The following TGFBI variants were observed in gnomAD, a reference collection of about 807,000 sequenced individuals.
The protein encoded by TGFBI is transforming growth factor beta induced.
TGFBI carries 50 observed loss-of-function variants against 73.7 expected under a neutral mutation model. The ratio of observed to expected loss-of-function variants is 0.68; its 90% CI spans 0.54 to 0.86. The LOEUF (loss-of-function observed/expected upper bound fraction) is 0.86, where lower values mean the gene tolerates loss of function less well. TGFBI is among the 40% of genes least tolerant of loss of function. The probability of loss-of-function intolerance (pLI) is 0.00; values close to 1 mark genes in which losing one functional copy is unlikely to be tolerated. For missense variants in TGFBI, 839 were observed against 877.0 expected (o/e 0.96, Z 0.55); for synonymous variants, 362 against 360.5 (o/e 1.00, Z -0.05).
At chr5:136,062,542 C>T in intron 15 of TGFBI, 121 bp from the exon 16 acceptor site, 1 of 1,031,096 alleles carries the variant, frequency 9.7e-7, no homozygotes, top group Non-Finnish European at 1.5e-6. Flanking sequence ...CCACCTTCCC[C>T]TTCCTCTTCC....
In TGFBI at chr5:136,044,059, G is replaced by T; in HGVS notation, c.235G>T (p.Val79Phe). 6.2e-7 allele frequency: 1 copy of T among 1,613,316 alleles called. No homozygotes were observed. ...CAATGTATGGTTGTCTTGTTACAGA[G>T]TCATCAGCTACGAGTGCTGTCCTGG... is the stretch of plus-strand genomic sequence containing the variant. ...YQRKICGKST[V>F]ISYECCPGYE... Residue 79 changes from valine (V) to phenylalanine (F), a missense_variant and splice_region_variant, in exon 3 of 17, where the codon GTC (valine) becomes TTC (phenylalanine). Transcript: ENST00000442011.
chr5:136,053,034 C>A lies in TGFBI; in HGVS notation c.1041C>A (p.Asn347Lys). 1 of 1,614,038 alleles carries A rather than the reference C, an allele frequency of 6.2e-7. No homozygotes were observed. Among genetic ancestry groups the A allele is most frequent in the South Asian group, 1.1e-5 (1 of 91,082 alleles). Residue 347 changes from asparagine to lysine, a missense_variant, in exon 8 of 17, where the codon AAC (asparagine) becomes AAA (lysine). Coordinates refer to ENST00000442011, the MANE Select transcript of TGFBI (RefSeq NM_000358.3). Reference protein sequence around the residue: ...VGCSGDMLTINGKAIISNKDI... With the variant: ...VGCSGDMLTIKGKAIISNKDI... Reference sequence around the variant, plus strand: ...GCAGCGGGGACATGCTCACTATCAACGGGAAGGCGATCATCTCCAATAAAG... The same window carrying A: ...GCAGCGGGGACATGCTCACTATCAAAGGGAAGGCGATCATCTCCAATAAAG...
chr5:136,054,519 C>T (rs944930042), intron 9 of TGFBI, among the ~76,000 whole-genome samples, 197 bp from the exon 10 acceptor site: 3 of 152,204 alleles, frequency 2.0e-5, no homozygotes, highest in Non-Finnish European at 2.9e-5. Context: ...ACTCCAAACA[C>T]CCTTGATTAT....
At position 136,063,240 on chromosome 5, in the gene TGFBI, A is replaced by G; in HGVS notation, c.*14A>G. 1.2e-6 allele frequency: 2 copies of G among 1,612,396 alleles called. No homozygotes were observed. Among genetic ancestry groups the G allele is most frequent in the Non-Finnish European group, 1.7e-6 (2 of 1,178,604 alleles). ...ATGAAGCATTAGCTTGAAGCACTACAGGAGGAATGCACCACGGCAGCTCTC... is the reference window on the plus strand; with the variant it reads ...ATGAAGCATTAGCTTGAAGCACTACGGGAGGAATGCACCACGGCAGCTCTC... On this transcript the variant is annotated 3_prime_UTR_variant, in exon 17 of 17. Coordinates refer to ENST00000442011, the MANE Select transcript of TGFBI (RefSeq NM_000358.3).
chr5:136,047,431 G>T lies in TGFBI; in HGVS notation c.771+11G>T, dbSNP rs759877909. 30 of 1,613,804 alleles carry T rather than the reference G, an allele frequency of 1.9e-5. No individual in the cohort carries two copies. In the East Asian group the frequency reaches 4.5e-4, roughly 24 times the overall value. On this transcript the variant is annotated intron_variant, in intron 6 of 16. Coordinates refer to ENST00000442011, the MANE Select transcript of TGFBI (RefSeq NM_000358.3). ...TTTGAGACCCTTCGGGTAAGGGACT[G>T]CCCTGGGTGGAGGCCCAGGCTTGGG...
chr5:136,035,399 G>A (rs182680594), intron 2 of TGFBI, among the ~76,000 whole-genome samples: 11 of 152,240 alleles, frequency 7.2e-5, no homozygotes, highest in Middle Eastern at 3.4e-3. Flanking sequence ...CGAGGTGGGC[G>A]GATCACAAGG....
Position 136,050,215 on chromosome 5 carries a change from C to T in TGFBI, c.913+635C>T, listed in dbSNP as rs10074744. On this transcript the variant is annotated intron_variant, in intron 7 of 16. Coordinates refer to ENST00000442011, the MANE Select transcript of TGFBI (RefSeq NM_000358.3). ...GGGCATGGTGGTGGGCACCTGTAAT[C>T]CCAGTTACTCAGGGGCTGAGGCAGG... 7.2e-3 allele frequency among the ~76,000 whole-genome samples: 1,102 copies of T among 152,158 alleles called. 10 individuals carry two copies. Among genetic ancestry groups the T allele is most frequent in the African/African-American group, 0.025 (1,035 of 41,496 alleles).
chr5:136,041,510 A>G (rs946109871), intron 2 of TGFBI, among the ~76,000 whole-genome samples: 10 of 152,186 alleles, frequency 6.6e-5, no homozygotes, highest in Admixed American at 5.2e-4. Flanking sequence ...TCTGTCTGCT[A>G]TCCTCCAAAC....
intron 4 of TGFBI, 31 bp downstream of exon 4, chr5:136,046,526 C>G (rs369756065): frequency 8.5e-5 from 133 of 1,572,020 alleles, no homozygotes; most frequent in Non-Finnish European, 1.1e-4. Context: ...CCGGGGGACT[C>G]TTATGGGGAA....
At chr5:136,054,924 TA>T (rs772583461) in intron 10 of TGFBI, 63 bp downstream of exon 10, 1,068 of 1,515,964 alleles carry the variant, frequency 7.0e-4, no homozygotes, top group South Asian at 1.4e-3. Flanking sequence ...TGTATTAGTG[TA>T]AAAAAAAATG....
At chr5:136,047,115 C>A in intron 5 of TGFBI, 100 bp downstream of exon 5, 3 of 1,536,688 alleles carry the variant, frequency 2.0e-6, no homozygotes, top group East Asian at 2.3e-5. Flanking sequence ...TGTAGACAAC[C>A]CACCCTCTTT....
In TGFBI at chr5:136,059,115, C is replaced by T. The variant is rs1236465657; in HGVS notation, c.1704C>T (p.Ile568=). 2 of 1,611,618 alleles carry T rather than the reference C, an allele frequency of 1.2e-6. No homozygotes were observed. Among genetic ancestry groups the T allele is most frequent in the East Asian group, 2.2e-5 (1 of 44,858 alleles). Residue 568 remains isoleucine (I), a synonymous_variant, in exon 13 of 17, where the codon ATC becomes ATT. Transcript: ENST00000442011. ...GAGATGCCAAGGAACTTGCCAACAT[C>T]CTGAAATACCACATTGGTGATGAAA... The part of the protein sequence containing the change: ...LLGDAKELAN[I]LKYHIGDEIL...
chr5:136,052,798 G>A, intron 7 of TGFBI, 109 bp from the exon 8 acceptor site: 1 of 1,072,288 alleles, frequency 9.3e-7, no homozygotes, highest in Non-Finnish European at 1.4e-6. Context: ...CTCATCTGAG[G>A]GTCCTCATCT....
In TGFBI at chr5:136,058,545, C is replaced by T. The variant is rs1262428704; in HGVS notation, c.1679-545C>T. 3.3e-5 allele frequency among the ~76,000 whole-genome samples: 5 copies of T among 152,186 alleles called. No homozygotes were observed. The South Asian group carries it at 1.0e-3, about 32-fold the overall frequency. Reference sequence around the variant, plus strand: ...ATATCCCCCTCAGCCCTGACCTCATCGGCTCCATGGCTCCTCCACAGTACA... The same window carrying T: ...ATATCCCCCTCAGCCCTGACCTCATTGGCTCCATGGCTCCTCCACAGTACA... On this transcript the variant is annotated intron_variant, in intron 12 of 16. Transcript: ENST00000442011.
intron 12 of TGFBI, among the ~76,000 whole-genome samples, chr5:136,057,449 C>T (rs17689879): frequency 0.4 from 60,757 of 151,752 alleles, 14,559 homozygotes; most frequent in Non-Finnish European, 0.52. Flanking sequence ...CTAGTGGTTA[C>T]GGGTGGCTAA....
At position 136,047,374 on chromosome 5, in the gene TGFBI, A is replaced by G. The variant is rs780973591; in HGVS notation, c.725A>G (p.Asn242Ser). The G allele has an allele frequency of 2.5e-6, 4 of 1,613,840 alleles. No homozygotes were observed. The highest frequency in any genetic ancestry group is 2.5e-6 in the Non-Finnish European group (3 of 1,179,872). ...IDKVISTITN[N>S]IQQIIEIEDT... is the part of the protein sequence containing the mutation. ...AAGGTCATCTCCACCATCACCAACAACATCCAGCAGATCATTGAGATCGAG... is the reference window on the plus strand; with the variant it reads ...AAGGTCATCTCCACCATCACCAACAGCATCCAGCAGATCATTGAGATCGAG... Residue 242 changes from asparagine (N) to serine (S), a missense_variant, in exon 6 of 17, where the codon AAC (asparagine) becomes AGC (serine). Transcript: ENST00000442011.
chr5:136,062,227 G>T (rs1319902572), intron 15 of TGFBI, among the ~76,000 whole-genome samples: 1 of 152,190 alleles, frequency 6.6e-6, no homozygotes, highest in Admixed American at 6.5e-5. Context: ...CAGAAAGATT[G>T]CACTTCAAGA....
chr5:136,056,844 C>A (rs1460759196), intron 12 of TGFBI, 49 bp downstream of exon 12: 7 of 1,556,394 alleles, frequency 4.5e-6, no homozygotes, highest in Non-Finnish European at 6.1e-6. Flanking sequence ...AGTAGTGATC[C>A]CTCAGGGCCC....
intron 2 of TGFBI, among the ~76,000 whole-genome samples, chr5:136,037,800 A>G (rs537794817): frequency 6.4e-4 from 98 of 152,318 alleles, no homozygotes; most frequent in African/African-American, 2.3e-3. Flanking sequence ...TTTAACTTTT[A>G]AAGAGATCAG....
Sources: allele counts gnomAD v4.1 joint callset (sites outside exome capture counted in the v4.1 genomes callset), GRCh38; gene constraint gnomAD v4.1.1; transcripts MANE v1.5; gene names NCBI Gene and HGNC (gene_info 2026-07-23, HGNC 2026-07-21).